MPHOSPH9: variants seen among roughly 807,000 people sequenced by gnomAD.
MPHOSPH9 encodes the protein M-phase phosphoprotein 9.
In MPHOSPH9, 88 loss-of-function variants were observed where a neutral mutation model predicts 145.5. The observed-to-expected ratio is 0.60, with a 90% CI of 0.51 to 0.72. The LOEUF (loss-of-function observed/expected upper bound fraction) is 0.72, where lower values mean the gene tolerates loss of function less well. Ranked by LOEUF, MPHOSPH9 falls within the 30% of genes least tolerant of loss-of-function variation. The pLI, the probability that MPHOSPH9 is intolerant of heterozygous loss-of-function variation, is 0.00. For missense variants in MPHOSPH9, 1,238 were observed against 1,386.6 expected (o/e 0.89, Z 1.70); for synonymous variants, 435 against 486.2 (o/e 0.89, Z 1.39).
chr12:123,211,684 CTTTTTTT>C (rs147321517), intron 7 of MPHOSPH9, among the ~76,000 whole-genome samples: 52 of 67,772 alleles, frequency 7.7e-4, no homozygotes, highest in African/African-American at 1.5e-3. Flanking sequence ...TAGACAATTT[CTTTTTTT>C]TTTTTTTTTT....
chr12:123,163,930 T>G lies in MPHOSPH9; in HGVS notation c.2908+20A>C, dbSNP rs755308479. On this transcript the variant is annotated intron_variant, in intron 19 of 23. Coordinates refer to ENST00000606320, the MANE Select transcript of MPHOSPH9 (RefSeq NM_022782.4). ...AGATCACGCTTTTGAACCCAAGAGATGTACACATCTAACTCTTACTTGGAG... is the reference window on the plus strand; with the variant it reads ...AGATCACGCTTTTGAACCCAAGAGAGGTACACATCTAACTCTTACTTGGAG... 2 of 1,613,698 alleles carry G rather than the reference T, an allele frequency of 1.2e-6. No individual in the cohort carries two copies. Among genetic ancestry groups the G allele is most frequent in the Non-Finnish European group, 1.7e-6 (2 of 1,179,704 alleles).
chr12:123,164,028 G>T lies in MPHOSPH9; in HGVS notation c.2830C>A (p.Gln944Lys). The part of the protein sequence containing the change: ...ASRSPEKCAQ[Q>K]RQKRLNSASQ... ...GCCGAATTAAGTCTCTTTTGTCTCT[G>T]TTGGGCACACTTTTCTGGAGAACGA... Residue 944 changes from glutamine (Q) to lysine (K), a missense_variant, in exon 19 of 24, where the codon CAG (glutamine) becomes AAG (lysine). Gln to Lys is a moderately conservative substitution (Grantham distance 53, BLOSUM62 1). Transcript: ENST00000606320. 6.2e-7 allele frequency: 1 copy of T among 1,614,146 alleles called. No individual in the cohort carries two copies. Among genetic ancestry groups the T allele is most frequent in the Non-Finnish European group, 8.5e-7 (1 of 1,180,030 alleles).
At chr12:123,241,016 A>C (rs1175284267) in intron 1 of MPHOSPH9, among the ~76,000 whole-genome samples, 1 of 151,888 alleles carries the variant, frequency 6.6e-6, no homozygotes, top group African/African-American at 2.4e-5. Context: ...ACCCAGCCTC[A>C]AATATCCTTT....
At position 123,227,502 on chromosome 12, in the gene MPHOSPH9, G is replaced by C; in HGVS notation, c.219C>G (p.Asn73Lys). 1.3e-6 allele frequency: 2 copies of C among 1,528,012 alleles called. No homozygotes were observed. The highest frequency in any genetic ancestry group is 2.4e-5 in the South Asian group (2 of 82,898). The allele number at this position is 1,528,012 out of a possible 1,614,324, so 94.7% of individuals were successfully genotyped here. A position where few individuals can be genotyped will look rare whatever the true frequency, so the allele number is the denominator to read the frequency against. The change falls in exon 3 of 24, where the codon AAC becomes AAG. Residue 73 changes from asparagine to lysine, a missense_variant. Asn to Lys is a moderately conservative substitution (Grantham distance 94, BLOSUM62 0). Around this residue, in one of 3 missense-constraint regions of MPHOSPH9, gnomAD observed 837 missense variants for 897.5 expected, o/e 0.93. Coordinates refer to ENST00000606320, the MANE Select transcript of MPHOSPH9 (RefSeq NM_022782.4). ...AAAGTTCCGAATCAGTCTTTCCACT[G>C]TTTTGTAGCTCTTGCATTAAAGAAG... ...VLTSLMQELQ[N>K]SGKTDSELWK...
chr12:123,169,344 T>C (rs1160610748), intron 16 of MPHOSPH9, among the ~76,000 whole-genome samples: 2 of 150,522 alleles, frequency 1.3e-5, no homozygotes, highest in African/African-American at 4.9e-5. Flanking sequence ...AAATGCAAAA[T>C]AAAAATTAGC....
At chr12:123,165,892 T>C (rs991261322) in intron 17 of MPHOSPH9, among the ~76,000 whole-genome samples, 1 of 152,168 alleles carries the variant, frequency 6.6e-6, no homozygotes, top group African/African-American at 2.4e-5. Context: ...TTTACTGGGG[T>C]TGTTAGGGGA....
At chr12:123,170,359 G>A (rs941390335) in intron 16 of MPHOSPH9, among the ~76,000 whole-genome samples, 5 of 152,040 alleles carry the variant, frequency 3.3e-5, no homozygotes, top group African/African-American at 4.8e-5. Flanking sequence ...TGGTAAGGCT[G>A]GTCTCAAACT....
At position 123,156,142 on chromosome 12, in the gene MPHOSPH9, T is replaced by A. The variant is rs1457987824; in HGVS notation, c.*665A>T. On this transcript the variant is annotated 3_prime_UTR_variant, in exon 24 of 24. Coordinates refer to ENST00000606320, the MANE Select transcript of MPHOSPH9 (RefSeq NM_022782.4). ...CCCTCCAGAGAGGGCTCTCCAATTG[T>A]TTAACTTTTTTAGAAAAGATAAAAT... 1.3e-5 allele frequency: 2 copies of A among 152,214 alleles called. No homozygotes were observed. The highest frequency in any genetic ancestry group is 6.5e-5 in the Admixed American group (1 of 15,286). 9.4% of individuals were successfully genotyped at this position (152,214 alleles called of 1,614,324 possible). A position where few individuals can be genotyped will look rare whatever the true frequency, so the allele number is the denominator to read the frequency against.
At chr12:123,157,623 G>C (rs2137831147) in intron 23 of MPHOSPH9, among the ~76,000 whole-genome samples, 1 of 152,128 alleles carries the variant, frequency 6.6e-6, no homozygotes, top group Admixed American at 6.6e-5. Flanking sequence ...TGAAACTACA[G>C]GCAGGCACCA....
chr12:123,162,991 T>C, intron 20 of MPHOSPH9, 23 bp downstream of exon 20: 1 of 1,528,250 alleles, frequency 6.5e-7, no homozygotes, highest in Non-Finnish European at 8.7e-7. Flanking sequence ...GTAAACTTTA[T>C]TCTACAATTT....
rs546633863 is a variant in MPHOSPH9 at position 123,217,765 on chromosome 12, CGA to C, written c.996+609_996+610del. On this transcript the variant is annotated intron_variant, in intron 6 of 23. Coordinates refer to ENST00000606320, the MANE Select transcript of MPHOSPH9 (RefSeq NM_022782.4). ...CCAAAAGAAAGATGCATAAATGGGC[CGA>C]GCGTGGTGGCTCATGCCTATAATCC... Among the ~76,000 whole-genome samples the C allele has an allele frequency of 1.6e-3, 248 of 152,058 alleles. 1 individual carries two copies. The highest frequency in any genetic ancestry group is 5.6e-3 in the African/African-American group (232 of 41,476).
At chr12:123,225,247 T>C (rs979370001) in intron 3 of MPHOSPH9, among the ~76,000 whole-genome samples, 1 of 151,664 alleles carries the variant, frequency 6.6e-6, no homozygotes, top group African/African-American at 2.4e-5. Context: ...AGTTCAAGAC[T>C]AACCTGGGCA....
intron 17 of MPHOSPH9, 85 bp from the exon 18 acceptor site, chr12:123,165,562 G>T: frequency 8.1e-7 from 1 of 1,234,966 alleles, no homozygotes; most frequent in Non-Finnish European, 1.1e-6. Context: ...CATACATGTT[G>T]AAGCCCTAAT....
At chr12:123,197,031 G>GTTTTT (rs56061451) in intron 12 of MPHOSPH9, among the ~76,000 whole-genome samples, 1 of 73,006 alleles carries the variant, frequency 1.4e-5, no homozygotes, top group Non-Finnish European at 2.5e-5. Context: ...AGGGGTGTGG[G>GTTTTT]TTTTTTTTTT....
intron 2 of MPHOSPH9, among the ~76,000 whole-genome samples, chr12:123,229,819 A>T (rs905301746): frequency 8.7e-6 from 1 of 114,610 alleles, no homozygotes; most frequent in Admixed American, 1.1e-4. Flanking sequence ...CTGTCCCCGA[A>T]CATTTTTTTT....
intron 1 of MPHOSPH9, among the ~76,000 whole-genome samples, chr12:123,239,105 C>A (rs1364220630): frequency 1.3e-5 from 2 of 152,104 alleles, no homozygotes; most frequent in Non-Finnish European, 2.9e-5. Flanking sequence ...CCCGTCTCTA[C>A]AAAAAATCCA....
intron 13 of MPHOSPH9, among the ~76,000 whole-genome samples, chr12:123,191,295 T>C (rs982103767): frequency 6.6e-6 from 1 of 151,948 alleles, no homozygotes; most frequent in African/African-American, 2.4e-5. Context: ...CACTCCAGCC[T>C]GGGCAACAAG....
rs553057698 is a variant in MPHOSPH9 at position 123,185,103 on chromosome 12, C to T, written c.2242-3893G>A. 1.6e-3 allele frequency among the ~76,000 whole-genome samples: 237 copies of T among 152,238 alleles called. 1 individual carries two copies. The highest frequency in any genetic ancestry group is 2.9e-3 in the Non-Finnish European group (197 of 68,018). ...ATAGGCGTGAGCCACCACACCCAGC[C>T]TAGTGCCTCTTAAATGTGAGCCTGC... On this transcript the variant is annotated intron_variant, in intron 13 of 23. Transcript: ENST00000606320.
intron 22 of MPHOSPH9, 89 bp downstream of exon 22, chr12:123,161,047 G>A (rs1266102673): frequency 3.4e-6 from 5 of 1,490,622 alleles, no homozygotes; most frequent in Non-Finnish European, 4.5e-6. Flanking sequence ...GTAATTTCCT[G>A]AGACAGGTTT....
Sources: allele counts gnomAD v4.1 joint callset (sites outside exome capture counted in the v4.1 genomes callset), GRCh38; gene constraint gnomAD v4.1.1; regional missense constraint gnomAD v4.1.1; transcripts MANE v1.5; gene names NCBI Gene and HGNC (gene_info 2026-07-23, HGNC 2026-07-21).